CSMD1: variants seen among roughly 807,000 people sequenced by gnomAD.
CSMD1 encodes CUB and Sushi multiple domains 1.
In CSMD1, 213 loss-of-function variants were observed where a neutral mutation model predicts 417.5. The observed-to-expected ratio is 0.51, with a 90% confidence interval of 0.46 to 0.57. The LOEUF (loss-of-function observed/expected upper bound fraction) is 0.57, where lower values mean the gene tolerates loss of function less well. CSMD1 is among the 20% of genes least tolerant of loss of function. The pLI is 0.00. For synonymous variants in CSMD1, 2,862 were observed against 1,736.8 expected (o/e 1.65, Z -16.11); for missense variants, 6,923 against 4,529.7 (o/e 1.53, Z -15.17).
chr8:3,681,922 C>T (rs1240011111), intron 7 of CSMD1, among the ~76,000 whole-genome samples: 2 of 152,054 alleles, frequency 1.3e-5, no homozygotes, highest in African/African-American at 4.8e-5. Flanking sequence ...ACAAATCTGA[C>T]AAAAACAAGA....
intron 1 of CSMD1, among the ~76,000 whole-genome samples, chr8:4,922,330 C>G (rs1294641907): frequency 3.9e-5 from 6 of 152,060 alleles, no homozygotes; most frequent in African/African-American, 1.4e-4. Flanking sequence ...CCTGTCCCAC[C>G]CCATCTCAAA....
At chr8:3,635,264 A>G (rs1796976977) in intron 7 of CSMD1, among the ~76,000 whole-genome samples, 2 of 152,000 alleles carry the variant, frequency 1.3e-5, no homozygotes, top group African/African-American at 4.8e-5. Flanking sequence ...TCATGAGGTC[A>G]GGTGTTCAAG....
intron 3 of CSMD1, among the ~76,000 whole-genome samples, chr8:4,415,496 G>T (rs950156745): frequency 6.6e-6 from 1 of 152,088 alleles, no homozygotes; most frequent in Non-Finnish European, 1.5e-5. Flanking sequence ...CATGGCCCAC[G>T]TAGACCTGCT....
intron 26 of CSMD1, chr8:3,278,820 C>G (rs1241718487): frequency 6.6e-6 from 1 of 152,110 alleles, no homozygotes; most frequent in Non-Finnish European, 1.5e-5. Context: ...AAGACACCAG[C>G]TTGATTTAGT....
At chr8:3,658,000 G>C (rs999243471) in intron 7 of CSMD1, among the ~76,000 whole-genome samples, 11 of 152,212 alleles carry the variant, frequency 7.2e-5, no homozygotes, top group Admixed American at 2.6e-4. Flanking sequence ...AGAGAAGTTT[G>C]GGATTTGGAG....
intron 5 of CSMD1, chr8:3,950,047 T>C (rs1268330063): frequency 2.2e-6 from 1 of 455,238 alleles, no homozygotes; most frequent in Non-Finnish European, 4.4e-6. Flanking sequence ...GCTGTCACGC[T>C]ACAGACAGGA....
At chr8:4,004,907 G>A (rs898726613) in intron 4 of CSMD1, among the ~76,000 whole-genome samples, 1 of 152,000 alleles carries the variant, frequency 6.6e-6, no homozygotes, top group Non-Finnish European at 1.5e-5. Context: ...ACCATGCCCA[G>A]CTAATTTTTT....
chr8:3,644,960 T>C (rs1797500458), intron 7 of CSMD1, among the ~76,000 whole-genome samples: 1 of 91,612 alleles, frequency 1.1e-5, no homozygotes, highest in Non-Finnish European at 2.0e-5. Flanking sequence ...CACTAAGGCT[T>C]TAAATGAAAA....
chr8:3,715,837 C>T (rs1801799823), intron 6 of CSMD1, among the ~76,000 whole-genome samples: 1 of 152,206 alleles, frequency 6.6e-6, no homozygotes, highest in Non-Finnish European at 1.5e-5. Context: ...GCCACAGCGC[C>T]CGGCCTGCAA....
In CSMD1 at chr8:4,062,654, T is replaced by G. The variant is rs559171996; in HGVS notation, c.416-30555A>C. On this transcript the variant is annotated intron_variant, in intron 3 of 69. Transcript: ENST00000635120. ...ATTAGATTTCAATTCAGTAGTCACG[T>G]GCAGAAACACAGATTCCTTGTGCAA... 7.9e-5 allele frequency among the ~76,000 whole-genome samples: 12 copies of G among 152,134 alleles called. No individual in the cohort carries two copies. The East Asian group carries it at 1.9e-3, about 25-fold the overall frequency.
intron 2 of CSMD1, among the ~76,000 whole-genome samples, chr8:4,568,379 G>A (rs746188881): frequency 1.6e-4 from 25 of 151,956 alleles, no homozygotes; most frequent in South Asian, 1.0e-3. Flanking sequence ...GCGTTGTTTC[G>A]TTTTCTGTTT....
intron 10 of CSMD1, among the ~76,000 whole-genome samples, chr8:3,498,799 T>C (rs953335220): frequency 6.6e-6 from 1 of 152,180 alleles, no homozygotes; most frequent in Non-Finnish European, 1.5e-5. Flanking sequence ...GATTTTATTT[T>C]TTAAATTGTA....
At position 4,227,533 on chromosome 8, in the gene CSMD1, C is replaced by T. The variant is rs577672906; in HGVS notation, c.415+192420G>A. Among the ~76,000 whole-genome samples, 22 of 152,182 alleles carry T rather than the reference C, an allele frequency of 1.4e-4. No homozygotes were observed. In the South Asian group the frequency reaches 3.9e-3, roughly 27 times the overall value. On this transcript the variant is annotated intron_variant, in intron 3 of 69. Coordinates refer to ENST00000635120, the MANE Select transcript of CSMD1 (RefSeq NM_033225.6). Reference sequence around the variant, plus strand: ...TTAAATCCACACATTATAGACCTAACTGAGAAGCAGGGGTGCCAGGAAGCA... The same window carrying T: ...TTAAATCCACACATTATAGACCTAATTGAGAAGCAGGGGTGCCAGGAAGCA...
intron 5 of CSMD1, among the ~76,000 whole-genome samples, chr8:3,876,584 T>A (rs181532468): frequency 4.2e-4 from 64 of 152,338 alleles, no homozygotes; most frequent in Admixed American, 5.9e-4. Flanking sequence ...TACTGGCTTT[T>A]TATCATGCTT....
intron 8 of CSMD1, among the ~76,000 whole-genome samples, chr8:3,599,095 A>G (rs972313125): frequency 3.3e-5 from 5 of 151,296 alleles, no homozygotes; most frequent in Admixed American, 6.6e-5. Context: ...AAGAAAAGAA[A>G]AGCTGACATT....
rs1009343342 is a variant in CSMD1 at position 3,223,995 on chromosome 8, T to G, written c.4346-128A>C. 3 of 774,758 alleles carry G rather than the reference T, an allele frequency of 3.9e-6. No homozygotes were observed. In the Admixed American group the frequency reaches 8.6e-5, roughly 22 times the overall value. The allele number at this position is 774,758 out of a possible 1,614,324, so 48.0% of individuals were successfully genotyped here. A position where few individuals can be genotyped will look rare whatever the true frequency, so the allele number is the denominator to read the frequency against. On this transcript the variant is annotated intron_variant, in intron 27 of 69. Coordinates refer to ENST00000635120, the MANE Select transcript of CSMD1 (RefSeq NM_033225.6). ...CAGCATTTTTACCAGTCCAAGAGATTGTGTGTTGGTTATCAATTATCCTGA... is the reference window on the plus strand; with the variant it reads ...CAGCATTTTTACCAGTCCAAGAGATGGTGTGTTGGTTATCAATTATCCTGA...
intron 3 of CSMD1, among the ~76,000 whole-genome samples, chr8:4,182,946 A>G (rs1344719172): frequency 2.6e-5 from 4 of 152,174 alleles, no homozygotes; most frequent in African/African-American, 4.8e-5. Flanking sequence ...GCAAATGAAG[A>G]TAATGGCCAA....
At chr8:4,822,551 T>C (rs1205021128) in intron 1 of CSMD1, among the ~76,000 whole-genome samples, 1 of 152,150 alleles carries the variant, frequency 6.6e-6, no homozygotes, top group East Asian at 1.9e-4. Flanking sequence ...TGACTTAAAC[T>C]ATGTGCAGGA....
rs758271528 is a variant in CSMD1, at chr8:3,142,429, T to C, written c.6241+36A>G. The C allele has an allele frequency of 2.0e-6, 3 of 1,514,018 alleles. No individual in the cohort carries two copies. The South Asian group carries it at 3.5e-5, about 17-fold the overall frequency. The allele number at this position is 1,514,018 out of a possible 1,614,324, so 93.8% of individuals were successfully genotyped here. On this transcript the variant is annotated intron_variant, in intron 41 of 69. Transcript: ENST00000635120. Reference sequence around the variant, plus strand: ...ACAATTTACATGTAAGAAGTGTATTTAGATTTGGGTTTCGGTTCTCGTTGT... The same window carrying C: ...ACAATTTACATGTAAGAAGTGTATTCAGATTTGGGTTTCGGTTCTCGTTGT...
Sources: allele counts gnomAD v4.1 joint callset (sites outside exome capture counted in the v4.1 genomes callset), GRCh38; gene constraint gnomAD v4.1.1; transcripts MANE v1.5; gene names NCBI Gene and HGNC (gene_info 2026-07-23, HGNC 2026-07-21).